The following SLC25A21 variants were observed in gnomAD, a reference collection of about 807,000 sequenced individuals.
SLC25A21 encodes the protein solute carrier family 25 member 21, also known as mitochondrial 2-oxodicarboxylate carrier.
In SLC25A21, 47 loss-of-function variants were observed where a neutral mutation model predicts 43.8. That is an observed-to-expected ratio of 1.07 (90% CI 0.85 to 1.37). The LOEUF (loss-of-function observed/expected upper bound fraction) is 1.37, where lower values mean the gene tolerates loss of function less well. Ranked by LOEUF, SLC25A21 falls within the 40% of genes most tolerant of loss-of-function variation. The pLI is 0.00. For synonymous variants in SLC25A21, 131 were observed against 121.3 expected (o/e 1.08, Z -0.52); for missense variants, 352 against 350.2 (o/e 1.00, Z -0.04).
intron 1 of SLC25A21, among the ~76,000 whole-genome samples, chr14:37,120,807 G>C (rs1471893112): frequency 6.6e-6 from 1 of 152,102 alleles, no homozygotes; most frequent in East Asian, 1.9e-4. Context: ...AAAGTATCCA[G>C]AAGTTTCTCC....
chr14:36,974,408 T>C (rs979213244), intron 1 of SLC25A21, among the ~76,000 whole-genome samples: 4 of 152,332 alleles, frequency 2.6e-5, no homozygotes, highest in Non-Finnish European at 5.9e-5. Flanking sequence ...GCAAGTCTTC[T>C]ACATTCAAGA....
chr14:36,875,585 T>C (rs566711421), intron 1 of SLC25A21, among the ~76,000 whole-genome samples: 1 of 152,342 alleles, frequency 6.6e-6, no homozygotes, highest in African/African-American at 2.4e-5. Context: ...TAAGCAGTAC[T>C]TAGATTACCT....
chr14:36,821,074 A>G (rs1336237834), intron 2 of SLC25A21, among the ~76,000 whole-genome samples: 1 of 152,248 alleles, frequency 6.6e-6, no homozygotes, highest in Non-Finnish European at 1.5e-5. Flanking sequence ...TTGGTTGAGC[A>G]TAGCCAAAGT....
intron 7 of SLC25A21, among the ~76,000 whole-genome samples, chr14:36,692,543 A>C (rs894735967): frequency 1.3e-5 from 2 of 152,188 alleles, no homozygotes; most frequent in Non-Finnish European, 2.9e-5. Flanking sequence ...TGGCTTCGTT[A>C]GCTGGCCAGC....
At chr14:36,876,785 G>A (rs1206946979) in intron 1 of SLC25A21, among the ~76,000 whole-genome samples, 2 of 151,274 alleles carry the variant, frequency 1.3e-5, no homozygotes, top group African/African-American at 4.9e-5. Context: ...AATATTCTAT[G>A]TTTGTTGCTG....
At chr14:36,753,023 A>G (rs1053936101) in intron 3 of SLC25A21, among the ~76,000 whole-genome samples, 3 of 152,144 alleles carry the variant, frequency 2.0e-5, no homozygotes, top group Non-Finnish European at 4.4e-5. Context: ...TCTATGAGGT[A>G]CCTAGAATAG....
intron 1 of SLC25A21, among the ~76,000 whole-genome samples, chr14:37,120,954 T>C (rs1963196473): frequency 6.6e-6 from 1 of 152,202 alleles, no homozygotes; most frequent in Non-Finnish European, 1.5e-5. Flanking sequence ...GTGGATGCTA[T>C]AAACGTGAGA....
chr14:37,172,159 G>C (rs2138965358), intron 1 of SLC25A21, 122 bp downstream of exon 1: 1 of 1,039,924 alleles, frequency 9.6e-7, no homozygotes, highest in South Asian at 1.6e-5. Context: ...ACTGCTCCGG[G>C]AGCGCTGAAT....
intron 1 of SLC25A21, among the ~76,000 whole-genome samples, chr14:36,956,491 T>C (rs550928695): frequency 6.6e-6 from 1 of 152,306 alleles, no homozygotes; most frequent in East Asian, 1.9e-4. Flanking sequence ...TGGTGGAATG[T>C]TTTTTCTAAA....
intron 1 of SLC25A21, among the ~76,000 whole-genome samples, chr14:36,919,314 C>G (rs1891913401): frequency 1.3e-5 from 2 of 151,902 alleles, no homozygotes; most frequent in South Asian, 4.2e-4. Context: ...CATATTTGAA[C>G]ATGATATGTT....
intron 1 of SLC25A21, among the ~76,000 whole-genome samples, chr14:37,002,646 A>C (rs1259536575): frequency 6.6e-6 from 1 of 152,194 alleles, no homozygotes; most frequent in Non-Finnish European, 1.5e-5. Context: ...ATGATTAAAA[A>C]ACAAGAAGAA....
rs1402309573 is a variant in SLC25A21 at position 37,172,563 on chromosome 14, C to T, written c.-213G>A. On this transcript the variant is annotated 5_prime_UTR_variant, in exon 1 of 10. Coordinates refer to ENST00000331299, the MANE Select transcript of SLC25A21 (RefSeq NM_030631.4). ...CGCGTCGGAACCTGTTCGCAGCGCT[C>T]TCGCAGAGGCGCCCTCGGCTCCGAA... 1.4e-6 allele frequency: 1 copy of T among 706,734 alleles called. No individual in the cohort carries two copies. Among genetic ancestry groups the T allele is most frequent in the South Asian group, 1.5e-5 (1 of 66,858 alleles). The allele number at this position is 706,734 out of a possible 1,614,324, so 43.8% of individuals were successfully genotyped here. A position where few individuals can be genotyped will look rare whatever the true frequency, so the allele number is the denominator to read the frequency against.
At chr14:36,888,139 G>C (rs1890975451) in intron 1 of SLC25A21, among the ~76,000 whole-genome samples, 1 of 152,142 alleles carries the variant, frequency 6.6e-6, no homozygotes, top group Non-Finnish European at 1.5e-5. Context: ...GCATGCTACT[G>C]CCCAAATCTG....
intron 1 of SLC25A21, among the ~76,000 whole-genome samples, chr14:36,998,109 AGT>A (rs1231664445): frequency 6.6e-6 from 1 of 152,174 alleles, no homozygotes; most frequent in Admixed American, 6.6e-5. Context: ...AGTTCTGCAC[AGT>A]GTTATTATTT....
intron 7 of SLC25A21, among the ~76,000 whole-genome samples, chr14:36,699,574 G>A (rs1366945417): frequency 6.6e-6 from 1 of 152,152 alleles, no homozygotes; most frequent in Non-Finnish European, 1.5e-5. Flanking sequence ...CTAGAGGCAG[G>A]AGGCCTCGTT....
In SLC25A21 at chr14:36,782,952, T is replaced by TA. The variant is rs59393457; in HGVS notation, c.203+30965dup. Among the ~76,000 whole-genome samples, 5 of 119,968 alleles carry TA rather than the reference T, an allele frequency of 4.2e-5. No individual in the cohort carries two copies. In the South Asian group the frequency reaches 1.0e-3, roughly 25 times the overall value. 78.7% of individuals were successfully genotyped at this position (119,968 alleles called of 152,430 possible). ...ATGTACCCTAAAACTTAAAGTATAA[T>TA]AAAAAAATATAAATAAATAAAAAAA... On this transcript the variant is annotated intron_variant, in intron 3 of 9. Transcript: ENST00000331299.
chr14:37,001,921 A>G (rs560767313), intron 1 of SLC25A21, among the ~76,000 whole-genome samples: 2 of 152,232 alleles, frequency 1.3e-5, no homozygotes, highest in African/African-American at 4.8e-5. Context: ...TAAATACTCT[A>G]TTTTGCACTT....
rs534031691 is a variant in SLC25A21, at chr14:36,985,205, T to C, written c.71-110201A>G. On this transcript the variant is annotated intron_variant, in intron 1 of 9. Transcript: ENST00000331299. ...ATGGGGGGAGGGGGGAGGGATAGCA[T>C]TGGGAGATATACCTAATGCTAGATG... Among the ~76,000 whole-genome samples the C allele has an allele frequency of 2.4e-4, 35 of 148,070 alleles. No homozygotes were observed. The East Asian group carries it at 4.9e-3, about 21-fold the overall frequency.
chr14:37,088,593 G>A (rs1962527571), intron 1 of SLC25A21, among the ~76,000 whole-genome samples: 1 of 152,172 alleles, frequency 6.6e-6, no homozygotes, highest in East Asian at 1.9e-4. Flanking sequence ...AAGCAGTGCA[G>A]AGTTCTAATG....
Sources: allele counts gnomAD v4.1 joint callset (sites outside exome capture counted in the v4.1 genomes callset), GRCh38; gene constraint gnomAD v4.1.1; transcripts MANE v1.5; gene names NCBI Gene and HGNC (gene_info 2026-07-23, HGNC 2026-07-21).